KCNT2: variants seen among roughly 807,000 people sequenced by gnomAD.
KCNT2 encodes potassium sodium-activated channel subfamily T member 2.
Under a neutral mutation model 153.8 loss-of-function variants are expected in KCNT2, and 67 were observed. That is an observed-to-expected ratio of 0.44 (90% confidence interval 0.36 to 0.53). KCNT2 has a LOEUF of 0.53. Ranked by LOEUF, KCNT2 falls within the 20% of genes least tolerant of loss-of-function variation. The pLI, the probability that KCNT2 is intolerant of heterozygous loss-of-function variation, is 0.00. For missense variants in KCNT2, 975 were observed against 1,354.8 expected (o/e 0.72, Z 4.40); for synonymous variants, 500 against 458.8 (o/e 1.09, Z -1.15).
chr1:196,484,035 T>G (rs2148710827), intron 3 of KCNT2, among the ~76,000 whole-genome samples: 1 of 152,286 alleles, frequency 6.6e-6, no homozygotes, highest in African/African-American at 2.4e-5. Flanking sequence ...TGAAGAGGGA[T>G]AGATGCCCAG....
intron 23 of KCNT2, 145 bp downstream of exon 23, chr1:196,285,512 G>C: frequency 1.8e-6 from 1 of 543,840 alleles, no homozygotes; most frequent in African/African-American, 1.9e-5. Flanking sequence ...ATGTCATTAA[G>C]TACATGAAAT....
At chr1:196,543,899 C>T (rs1193680662) in intron 1 of KCNT2, among the ~76,000 whole-genome samples, 4 of 152,078 alleles carry the variant, frequency 2.6e-5, no homozygotes, top group Admixed American at 1.3e-4. Flanking sequence ...GGCATTTATG[C>T]CACAGAAATA....
intron 21 of KCNT2, among the ~76,000 whole-genome samples, chr1:196,313,856 A>G (rs1370355617): frequency 1.3e-5 from 2 of 151,660 alleles, no homozygotes; most frequent in African/African-American, 4.8e-5. Flanking sequence ...TACTATATAT[A>G]TACCATAAAA....
At chr1:196,364,295 G>A (rs771515400) in intron 14 of KCNT2, among the ~76,000 whole-genome samples, 6 of 152,048 alleles carry the variant, frequency 3.9e-5, no homozygotes, top group Non-Finnish European at 7.4e-5. Flanking sequence ...TTTTTAAAAT[G>A]TCATTAAAAT....
chr1:196,267,357 C>T (rs1321359550), intron 25 of KCNT2, among the ~76,000 whole-genome samples: 1 of 152,182 alleles, frequency 6.6e-6, no homozygotes, highest in Non-Finnish European at 1.5e-5. Flanking sequence ...CACTGACACG[C>T]TCGAGAAACA....
At chr1:196,591,659 G>T (rs1439836410) in intron 1 of KCNT2, among the ~76,000 whole-genome samples, 2 of 152,102 alleles carry the variant, frequency 1.3e-5, no homozygotes, top group Non-Finnish European at 2.9e-5. Context: ...TAGTTAATTT[G>T]TATGTCTTAT....
rs113800146 is a variant in KCNT2, at chr1:196,398,663, T to C, written c.1194A>G (p.Gln398=). ...TCACAGCCCATGCTCTCAAAATTGT[T>C]TGGTGATCCTGAAGTGATCAAAATA... ...CEVDRTSSDH[Q]TILRAWAVKD... is the part of the protein sequence containing the mutation. Residue 398 remains glutamine (Q), a synonymous_variant, in exon 13 of 28, where the codon CAA becomes CAG. Coordinates refer to ENST00000294725, the MANE Select transcript of KCNT2 (RefSeq NM_198503.5). 3.0e-5 allele frequency: 47 copies of C among 1,577,374 alleles called. 1 individual carries two copies. The South Asian group carries it at 4.8e-4, about 16-fold the overall frequency.
chr1:196,228,119 A>C lies in KCNT2; in HGVS notation c.*105T>G. 4.7e-6 allele frequency: 3 copies of C among 644,858 alleles called. No individual in the cohort carries two copies. The highest frequency in any genetic ancestry group is 8.3e-6 in the Non-Finnish European group (3 of 361,780). 39.9% of individuals were successfully genotyped at this position (644,858 alleles called of 1,614,324 possible). On this transcript the variant is annotated 3_prime_UTR_variant, in exon 28 of 28. Transcript: ENST00000294725. Reference sequence around the variant, plus strand: ...AAGAGAAGAGATTACGTTTTTAAATATGAGAGAATTACATATATTTCCATC... The same window carrying C: ...AAGAGAAGAGATTACGTTTTTAAATCTGAGAGAATTACATATATTTCCATC...
intron 8 of KCNT2, among the ~76,000 whole-genome samples, chr1:196,456,261 G>A (rs1023313054): frequency 2.0e-5 from 3 of 151,420 alleles, no homozygotes; most frequent in African/African-American, 7.3e-5. Flanking sequence ...CTTTAAGTAG[G>A]GCACTCCTTT....
chr1:196,358,903 T>C (rs1209002983), intron 14 of KCNT2, among the ~76,000 whole-genome samples: 3 of 151,946 alleles, frequency 2.0e-5, no homozygotes, highest in Non-Finnish European at 4.4e-5. Flanking sequence ...GATTCCTTTG[T>C]CTGTGAATAT....
intron 1 of KCNT2, among the ~76,000 whole-genome samples, chr1:196,587,072 G>A (rs1346818363): frequency 1.3e-5 from 2 of 151,966 alleles, no homozygotes; most frequent in African/African-American, 2.4e-5. Context: ...GAAAATATTC[G>A]AATCATGGAA....
At chr1:196,255,123 G>A (rs1052404558) in intron 26 of KCNT2, among the ~76,000 whole-genome samples, 3 of 151,684 alleles carry the variant, frequency 2.0e-5, no homozygotes, top group South Asian at 4.2e-4. Flanking sequence ...AGCAATGTTC[G>A]TGAGCGTGAG....
At chr1:196,453,384 T>G (rs1003074999) in intron 8 of KCNT2, among the ~76,000 whole-genome samples, 2 of 151,952 alleles carry the variant, frequency 1.3e-5, no homozygotes, top group Non-Finnish European at 2.9e-5. Context: ...TTGTAAATTC[T>G]TGTAAGGCAG....
At chr1:196,284,762 C>T (rs1490331088) in intron 23 of KCNT2, among the ~76,000 whole-genome samples, 4 of 152,132 alleles carry the variant, frequency 2.6e-5, no homozygotes, top group Admixed American at 2.6e-4. Context: ...CTGACATAAG[C>T]AGATGGTTCC....
chr1:196,249,801 A>T (rs1571792667), intron 26 of KCNT2, among the ~76,000 whole-genome samples: 1 of 152,108 alleles, frequency 6.6e-6, no homozygotes, highest in Admixed American at 6.6e-5. Flanking sequence ...TAGTATTTTT[A>T]TATGCCAACA....
intron 21 of KCNT2, among the ~76,000 whole-genome samples, chr1:196,313,429 C>T (rs1457157144): frequency 1.3e-5 from 2 of 151,414 alleles, no homozygotes; most frequent in African/African-American, 2.4e-5. Flanking sequence ...TTATGATAAT[C>T]AGGGTTGGCA....
intron 13 of KCNT2, among the ~76,000 whole-genome samples, chr1:196,379,162 AG>A (rs1431799340): frequency 6.6e-6 from 1 of 152,220 alleles, no homozygotes; most frequent in Non-Finnish European, 1.5e-5. Flanking sequence ...ATGTAGCAAA[AG>A]CACAGCTTTG....
At chr1:196,371,427 T>C (rs1006172644) in intron 14 of KCNT2, among the ~76,000 whole-genome samples, 1 of 151,940 alleles carries the variant, frequency 6.6e-6, no homozygotes, top group African/African-American at 2.4e-5. Flanking sequence ...TTAATGGTGA[T>C]GGTTGGATAA....
chr1:196,465,427 T>C lies in KCNT2; in HGVS notation c.544-40A>G, dbSNP rs749707856. On this transcript the variant is annotated intron_variant, in intron 7 of 27. Coordinates refer to ENST00000294725, the MANE Select transcript of KCNT2 (RefSeq NM_198503.5). Reference sequence around the variant, plus strand: ...AAAAAAAGTTGTAAATTTTGATAAATACTAAATATGCATGAGTTTCATTAC... The same window carrying C: ...AAAAAAAGTTGTAAATTTTGATAAACACTAAATATGCATGAGTTTCATTAC... 4 of 1,081,476 alleles carry C rather than the reference T, an allele frequency of 3.7e-6. No homozygotes were observed. In the South Asian group the frequency reaches 5.0e-5, roughly 14 times the overall value. 67.0% of individuals were successfully genotyped at this position (1,081,476 alleles called of 1,614,324 possible). A position where few individuals can be genotyped will look rare whatever the true frequency, so the allele number is the denominator to read the frequency against.
Sources: gnomAD v4.1 joint callset for allele counts (sites outside exome capture counted in the v4.1 genomes callset) on GRCh38, gnomAD v4.1.1 for gene constraint, MANE v1.5 for transcripts, NCBI Gene and HGNC (gene_info 2026-07-23, HGNC 2026-07-21) for gene names.